The following MTMR8 variants were observed in gnomAD, a reference collection of about 807,000 sequenced individuals.
The protein encoded by MTMR8 is myotubularin related protein 8, also known as phosphatidylinositol-3,5-bisphosphate 3-phosphatase MTMR8.
In MTMR8, 65 loss-of-function variants were observed where a neutral mutation model predicts 39.3. The observed-to-expected ratio is 1.65, with a 90% confidence interval of 1.35 to 2.03. MTMR8 has a LOEUF of 2.03. Among genes scored for constraint, MTMR8 ranks in the 30% most tolerant of loss-of-function variants. MTMR8 has a pLI of 0.00. For synonymous variants in MTMR8, 245 were observed against 185.2 expected (o/e 1.32, Z -2.62); for missense variants, 777 against 538.9 (o/e 1.44, Z -4.37).
At chrX:64,328,151 G>A (rs755567977) in intron 12 of MTMR8, among the ~76,000 whole-genome samples, 2 of 111,555 alleles carry the variant, frequency 1.8e-5, no homozygotes, top group Non-Finnish European at 3.8e-5. Flanking sequence ...TCAGGAACAG[G>A]ACACCAGTGC....
At chrX:64,278,816 A>T (rs922760837) in intron 12 of MTMR8, among the ~76,000 whole-genome samples, 1 of 111,179 alleles carries the variant, frequency 9.0e-6, no homozygotes, top group Admixed American at 9.6e-5. Context: ...TCCTTCTAAA[A>T]GTCAGGCCCC....
At chrX:64,333,473 A>G (rs987942206) in intron 10 of MTMR8, among the ~76,000 whole-genome samples, 1 of 111,942 alleles carries the variant, frequency 8.9e-6, no homozygotes, top group Non-Finnish European at 1.9e-5. Context: ...GCTCAAGCTA[A>G]TCTTTCGTTT....
At chrX:64,338,139 G>A (rs1306867559) in intron 8 of MTMR8, among the ~76,000 whole-genome samples, 1 of 111,871 alleles carries the variant, frequency 8.9e-6, no homozygotes, top group Non-Finnish European at 1.9e-5. Context: ...CAGGAGCCAG[G>A]GAAGCTTGAC....
At chrX:64,314,725 C>T (rs1051928851) in intron 12 of MTMR8, among the ~76,000 whole-genome samples, 8 of 112,522 alleles carry the variant, frequency 7.1e-5, no homozygotes, top group East Asian at 5.7e-4. Flanking sequence ...TACACATGTG[C>T]GGTCAAGGCA....
At chrX:64,303,942 C>T (rs1921990314) in intron 12 of MTMR8, among the ~76,000 whole-genome samples, 1 of 112,106 alleles carries the variant, frequency 8.9e-6, no homozygotes, top group Non-Finnish European at 1.9e-5. Flanking sequence ...CTTTTAAGCA[C>T]ATTTTACTGT....
chrX:64,292,706 C>T (rs961539126), intron 12 of MTMR8, among the ~76,000 whole-genome samples: 2 of 111,079 alleles, frequency 1.8e-5, no homozygotes, highest in Non-Finnish European at 3.8e-5. Context: ...TGTCCAGTCT[C>T]TCCGTAAGGA....
intron 6 of MTMR8, among the ~76,000 whole-genome samples, chrX:64,345,417 CCTTT>C (rs1421188626): frequency 9.8e-5 from 11 of 111,862 alleles, no homozygotes; most frequent in Non-Finnish European, 1.9e-4. Context: ...ATTATGAAAA[CCTTT>C]CTTAAGAGAG....
chrX:64,278,059 C>T (rs1931919711), intron 12 of MTMR8, among the ~76,000 whole-genome samples: 1 of 108,855 alleles, frequency 9.2e-6, no homozygotes. Flanking sequence ...AGTTCTCGTG[C>T]TGTGTTTTTC....
intron 12 of MTMR8, among the ~76,000 whole-genome samples, chrX:64,325,192 G>T (rs762339766): frequency 8.9e-6 from 1 of 111,969 alleles, no homozygotes; most frequent in South Asian, 3.7e-4. Context: ...AAAAGCCCAG[G>T]ACTTGATGGC....
At chrX:64,354,697 C>CT (rs1350432212) in intron 4 of MTMR8, 80 bp downstream of exon 4, 13 of 993,545 alleles carry the variant, frequency 1.3e-5, no homozygotes, top group Non-Finnish European at 1.8e-5. Context: ...TCATTTCTCT[C>CT]TTTTTTCAAA....
chrX:64,319,403 T>C (rs1922565424), intron 12 of MTMR8, among the ~76,000 whole-genome samples: 1 of 112,280 alleles, frequency 8.9e-6, no homozygotes, highest in Admixed American at 9.4e-5. Context: ...AACTCTTTAG[T>C]TTAATTAGAT....
At chrX:64,381,360 C>T (rs1924413937) in intron 1 of MTMR8, among the ~76,000 whole-genome samples, 1 of 111,411 alleles carries the variant, frequency 9.0e-6, no homozygotes, top group Non-Finnish European at 1.9e-5. Context: ...TGATGATGAG[C>T]ATTTTTTCAT....
At chrX:64,331,267 C>T in intron 11 of MTMR8, 1 of 309,019 alleles carries the variant, frequency 3.2e-6, no homozygotes, top group Admixed American at 4.8e-5. Flanking sequence ...CTACTCATAC[C>T]TGCACAGCAA....
chrX:64,363,476 T>G (rs1923853704), intron 1 of MTMR8, among the ~76,000 whole-genome samples: 2 of 112,031 alleles, frequency 1.8e-5, no homozygotes, highest in African/African-American at 6.5e-5. Context: ...GTGAGATGCC[T>G]GCTTCTCACC....
chrX:64,297,026 T>C (rs1336052443), intron 12 of MTMR8, among the ~76,000 whole-genome samples: 65 of 99,704 alleles, frequency 6.5e-4, no homozygotes, highest in Non-Finnish European at 1.2e-4. Flanking sequence ...TTGTGAATAA[T>C]GCCGCAATAA....
intron 12 of MTMR8, among the ~76,000 whole-genome samples, chrX:64,322,002 A>T (rs192773350): frequency 3.5e-4 from 39 of 110,943 alleles, no homozygotes; most frequent in Admixed American, 3.3e-3. Context: ...CCTTGGGATG[A>T]ATTATGTTTT....
At chrX:64,320,419 C>A (rs1349099109) in intron 12 of MTMR8, among the ~76,000 whole-genome samples, 4 of 110,815 alleles carry the variant, frequency 3.6e-5, no homozygotes, top group African/African-American at 1.3e-4. Flanking sequence ...TATACATCTT[C>A]ATCTCAGAAA....
intron 12 of MTMR8, among the ~76,000 whole-genome samples, chrX:64,273,603 CT>C (rs910465597): frequency 9.9e-5 from 11 of 111,205 alleles, no homozygotes; most frequent in Non-Finnish European, 1.9e-4. Flanking sequence ...AAATCCTCCC[CT>C]ATCAATAATT....
chrX:64,318,590 G>A (rs1039609783), intron 12 of MTMR8, among the ~76,000 whole-genome samples: 1 of 110,995 alleles, frequency 9.0e-6, no homozygotes, highest in South Asian at 3.8e-4. Flanking sequence ...TTCATGATGG[G>A]TTAATATTTG....
Sources: allele counts gnomAD v4.1 joint callset (sites outside exome capture counted in the v4.1 genomes callset), GRCh38; gene constraint gnomAD v4.1.1; transcripts MANE v1.5; gene names NCBI Gene and HGNC (gene_info 2026-07-23, HGNC 2026-07-21).